Variants in ASTN2 observed in about 807,000 individuals in gnomAD.
The protein encoded by ASTN2 is astrotactin-2.
Under a neutral mutation model 139.8 loss-of-function variants are expected in ASTN2, and 54 were observed. That is an observed-to-expected ratio of 0.39 (90% CI 0.31 to 0.48). The LOEUF (loss-of-function observed/expected upper bound fraction) is 0.48, where lower values mean the gene tolerates loss of function less well. Ranked by LOEUF, ASTN2 falls within the 20% of genes least tolerant of loss-of-function variation. ASTN2 has a pLI of 0.95. For missense variants in ASTN2, 1,565 were observed against 1,725.1 expected, an observed-to-expected ratio of 0.91 and a Z score of 1.64; for synonymous variants, 756 against 719.5, an observed-to-expected ratio of 1.05 and a Z score of -0.81.
At chr9:117,220,662 A>G (rs979649676) in intron 2 of ASTN2, among the ~76,000 whole-genome samples, 6 of 152,150 alleles carry the variant, frequency 3.9e-5, no homozygotes, top group Non-Finnish European at 7.3e-5. Flanking sequence ...AAACTGGTAG[A>G]AAGGCATGGG....
At chr9:116,620,167 A>G (rs1359219509) in intron 18 of ASTN2, 143 bp downstream of exon 18, 1 of 1,171,740 alleles carries the variant, frequency 8.5e-7, no homozygotes, top group Admixed American at 2.5e-5. Context: ...CTTCTTTCCT[A>G]AAAAAGGAGG....
At chr9:117,144,788 T>C (rs1271347504) in intron 3 of ASTN2, among the ~76,000 whole-genome samples, 1 of 148,124 alleles carries the variant, frequency 6.8e-6, no homozygotes, top group Non-Finnish European at 1.5e-5. Flanking sequence ...TTCAAGCAAT[T>C]CTTATGCCCC....
intron 10 of ASTN2, among the ~76,000 whole-genome samples, chr9:116,900,824 G>T (rs886212877): frequency 2.0e-5 from 3 of 152,174 alleles, no homozygotes. Context: ...ATAAGTGGGA[G>T]GGGACAGCAC....
At chr9:117,235,519 C>T (rs1833020526) in intron 2 of ASTN2, among the ~76,000 whole-genome samples, 1 of 152,188 alleles carries the variant, frequency 6.6e-6, no homozygotes, top group Non-Finnish European at 1.5e-5. Context: ...AATGTCCTCT[C>T]ATCTGAAAGT....
At chr9:116,813,269 G>A (rs911430437) in intron 12 of ASTN2, among the ~76,000 whole-genome samples, 17 of 152,162 alleles carry the variant, frequency 1.1e-4, no homozygotes, top group African/African-American at 3.9e-4. Flanking sequence ...ACATTATAGA[G>A]AATACCAAAA....
intron 2 of ASTN2, among the ~76,000 whole-genome samples, chr9:117,235,087 A>T (rs895368680): frequency 7.9e-5 from 12 of 152,150 alleles, no homozygotes; most frequent in African/African-American, 2.7e-4. Flanking sequence ...TAAAAAAATT[A>T]GCTGAGCATG....
intron 7 of ASTN2, among the ~76,000 whole-genome samples, chr9:117,001,772 C>G (rs1837196367): frequency 6.6e-6 from 1 of 152,174 alleles, no homozygotes; most frequent in African/African-American, 2.4e-5. Flanking sequence ...CCCTGTTCTT[C>G]AGGCATGGGG....
chr9:116,680,713 G>A (rs1859801495), intron 16 of ASTN2, among the ~76,000 whole-genome samples: 2 of 152,164 alleles, frequency 1.3e-5, no homozygotes, highest in African/African-American at 4.8e-5. Context: ...TGCAAGGCTG[G>A]TTCAATATAT....
intron 4 of ASTN2, among the ~76,000 whole-genome samples, chr9:117,117,456 G>A (rs1315851906): frequency 6.6e-6 from 1 of 151,510 alleles, no homozygotes; most frequent in Non-Finnish European, 1.5e-5. Context: ...GCTGTTTTAG[G>A]AAAGAATGAG....
rs1186706541 is a variant in ASTN2 at position 116,976,843 on chromosome 9, C to A, written c.1592-58G>T. 23 of 1,505,834 alleles carry A rather than the reference C, an allele frequency of 1.5e-5. No homozygotes were observed. The East Asian group carries it at 4.8e-4, about 31-fold the overall frequency. 93.3% of individuals were successfully genotyped at this position (1,505,834 alleles called of 1,614,324 possible). On this transcript the variant is annotated intron_variant, in intron 7 of 22. Transcript: ENST00000313400. ...GTAGAGTCTCCCCAAATAGGCTTTTCTCTGGTTTGCTTGTTTTCCTAAGAC... is the reference window on the plus strand; with the variant it reads ...GTAGAGTCTCCCCAAATAGGCTTTTATCTGGTTTGCTTGTTTTCCTAAGAC...
At chr9:117,153,539 C>A (rs1362436852) in intron 3 of ASTN2, among the ~76,000 whole-genome samples, 2 of 152,082 alleles carry the variant, frequency 1.3e-5, no homozygotes, top group African/African-American at 4.8e-5. Context: ...GTGAGTGAGG[C>A]AAACAGAGCT....
At chr9:116,745,216 G>A (rs1383879109) in intron 13 of ASTN2, among the ~76,000 whole-genome samples, 1 of 152,154 alleles carries the variant, frequency 6.6e-6, no homozygotes, top group Non-Finnish European at 1.5e-5. Flanking sequence ...TGGCAGAATT[G>A]GACTGACTAC....
chr9:116,824,978 G>A (rs1831586775), intron 11 of ASTN2, among the ~76,000 whole-genome samples: 1 of 152,144 alleles, frequency 6.6e-6, no homozygotes, highest in Non-Finnish European at 1.5e-5. Flanking sequence ...TCCTCCTCTA[G>A]GAAGGGAATC....
In ASTN2 at chr9:117,129,934, T is replaced by C. The variant is rs12335929; in HGVS notation, c.1168+11392A>G. On this transcript the variant is annotated intron_variant, in intron 4 of 22. Coordinates refer to ENST00000313400, the MANE Select transcript of ASTN2 (RefSeq NM_001365068.1). ...CAAAATATATATTTTTCCTTTCCCT[T>C]TCCCTCTGTCAAACTTTGTGTCCTT... Among the ~76,000 whole-genome samples the C allele has an allele frequency of 4.3e-3, 659 of 152,280 alleles. 5 individuals are homozygous for C. The highest frequency in any genetic ancestry group is 0.015 in the African/African-American group (616 of 41,562).
At chr9:116,727,020 ACACAC>A (rs1828645261) in intron 15 of ASTN2, among the ~76,000 whole-genome samples, 1 of 36,472 alleles carries the variant, frequency 2.7e-5, no homozygotes, top group Admixed American at 6.1e-4. Context: ...CTCAACACAC[ACACAC>A]ACACACACAC....
intron 7 of ASTN2, among the ~76,000 whole-genome samples, chr9:116,982,372 C>A (rs185286307): frequency 6.6e-6 from 1 of 152,112 alleles, no homozygotes; most frequent in African/African-American, 2.4e-5. Flanking sequence ...TTTCTTCTTG[C>A]TGAGAACACA....
intron 7 of ASTN2, among the ~76,000 whole-genome samples, chr9:116,984,497 G>A (rs1588459570): frequency 6.6e-6 from 1 of 152,110 alleles, no homozygotes; most frequent in African/African-American, 2.4e-5. Flanking sequence ...AGGGTCACTT[G>A]AGACCAACGT....
chr9:116,707,355 G>T (rs1338475231), intron 16 of ASTN2, among the ~76,000 whole-genome samples: 1 of 144,446 alleles, frequency 6.9e-6, no homozygotes, highest in South Asian at 2.2e-4. Context: ...CCATGCTATA[G>T]CCAAGGAGTT....
chr9:117,261,573 G>A (rs1833823800), intron 2 of ASTN2, among the ~76,000 whole-genome samples: 1 of 152,032 alleles, frequency 6.6e-6, no homozygotes, highest in Non-Finnish European at 1.5e-5. Context: ...AAAGAATGTT[G>A]AACTCCAAAG....
Sources: allele counts gnomAD v4.1 joint callset (sites outside exome capture counted in the v4.1 genomes callset), GRCh38; gene constraint gnomAD v4.1.1; transcripts MANE v1.5; gene names NCBI Gene and HGNC (gene_info 2026-07-23, HGNC 2026-07-21).